The following MAP2K5 variants were observed in gnomAD, a reference collection of about 807,000 sequenced individuals.
MAP2K5 encodes mitogen-activated protein kinase kinase 5.
In MAP2K5, 49 loss-of-function variants were observed where a neutral mutation model predicts 83.1. The observed-to-expected ratio is 0.59, with a 90% confidence interval of 0.47 to 0.75. The LOEUF (loss-of-function observed/expected upper bound fraction) is 0.75. Among genes scored for constraint, MAP2K5 ranks in the 30% least tolerant of loss-of-function variants. The pLI is 0.00. For missense variants in MAP2K5, 457 were observed against 557.5 expected (o/e 0.82, Z 1.82); for synonymous variants, 202 against 191.8 (o/e 1.05, Z -0.44).
chr15:67,671,297 A>T (rs990974510), intron 13 of MAP2K5, among the ~76,000 whole-genome samples: 17 of 152,208 alleles, frequency 1.1e-4, no homozygotes, highest in African/African-American at 3.1e-4. Flanking sequence ...TGAAAATAAT[A>T]ACAATAATGA....
At chr15:67,595,181 A>T (rs935160235) in intron 7 of MAP2K5, among the ~76,000 whole-genome samples, 7 of 152,222 alleles carry the variant, frequency 4.6e-5, no homozygotes, top group Non-Finnish European at 7.3e-5. Flanking sequence ...GACAAGTTAG[A>T]AATAGCTTTC....
chr15:67,648,005 A>G (rs1052129612), intron 11 of MAP2K5, among the ~76,000 whole-genome samples: 2 of 152,158 alleles, frequency 1.3e-5, no homozygotes, highest in Non-Finnish European at 2.9e-5. Context: ...GTGCCACTGC[A>G]CTCCAGTCTA....
At chr15:67,699,454 C>T (rs1213140700) in intron 15 of MAP2K5, among the ~76,000 whole-genome samples, 2 of 152,132 alleles carry the variant, frequency 1.3e-5, no homozygotes, top group East Asian at 3.8e-4. Flanking sequence ...GAAGAGGAGG[C>T]ATCTGGAACT....
intron 8 of MAP2K5, among the ~76,000 whole-genome samples, chr15:67,626,463 G>A (rs2086325893): frequency 6.6e-6 from 1 of 152,138 alleles, no homozygotes; most frequent in Admixed American, 6.5e-5. Context: ...GGTTTCGGAG[G>A]ATGCAGTGAG....
intron 4 of MAP2K5, 125 bp from the exon 5 acceptor site, chr15:67,585,765 C>T: frequency 1.3e-6 from 1 of 773,334 alleles, no homozygotes; most frequent in Non-Finnish European, 2.2e-6. Context: ...GTCTTGGGAG[C>T]CACTTTTCAA....
Position 67,698,682 on chromosome 15 carries a change from C to G in MAP2K5, c.973-4655C>G, listed in dbSNP as rs1300225241. On this transcript the variant is annotated intron_variant, in intron 15 of 21. Transcript: ENST00000178640. The surrounding 1 kb of genome is among the most constrained non-coding windows in gnomAD (Gnocchi z 4.5). ...AAATACTTGGGATCAGAAAGTCAAT[C>G]TAAATAACCATTCTTATCTCTAGAA... Among the ~76,000 whole-genome samples, 1 of 152,170 alleles carries G rather than the reference C, an allele frequency of 6.6e-6. No individual in the cohort carries two copies. The highest frequency in any genetic ancestry group is 2.4e-5 in the African/African-American group (1 of 41,446).
chr15:67,544,235 A>G (rs1439466654), intron 1 of MAP2K5, among the ~76,000 whole-genome samples: 2 of 152,272 alleles, frequency 1.3e-5, no homozygotes, highest in Non-Finnish European at 2.9e-5. Flanking sequence ...CATTTTACTT[A>G]GAAAAAAATG....
At chr15:67,714,806 A>T (rs1853749268) in intron 16 of MAP2K5, among the ~76,000 whole-genome samples, 1 of 152,220 alleles carries the variant, frequency 6.6e-6, no homozygotes, top group Middle Eastern at 3.2e-3. Context: ...GGGAGCATTT[A>T]GGATTTCAGG....
rs1333075131 is a variant in MAP2K5 at position 67,563,926 on chromosome 15, A to AG, written c.252+577dup. On this transcript the variant is annotated intron_variant, in intron 3 of 21. Transcript: ENST00000178640. The surrounding 1 kb of genome is among the most constrained non-coding windows in gnomAD (Gnocchi z 4.5). ...AATTTTACTGAAAATCTGCGTTAAC[A>AG]GTTATCTGATACTGAAGTAAACAAG... Among the ~76,000 whole-genome samples the AG allele has an allele frequency of 2.6e-5, 4 of 152,222 alleles. No homozygotes were observed. Among genetic ancestry groups the AG allele is most frequent in the African/African-American group, 9.6e-5 (4 of 41,464 alleles).
In MAP2K5 at chr15:67,769,611, G is replaced by GTTGGAA; in HGVS notation, c.1145_1146insTGGAAT (p.Val382_Leu383insGlyIle). The GTTGGAA allele has an allele frequency of 6.2e-7, 1 of 1,613,704 alleles. No individual in the cohort carries two copies. Among genetic ancestry groups the GTTGGAA allele is most frequent in the Non-Finnish European group, 8.5e-7 (1 of 1,179,742 alleles). On this transcript the variant is annotated inframe_insertion, in exon 20 of 22. Transcript: ENST00000178640. This position sits in a 1 kb window ranked among gnomAD's most constrained non-coding sequence, Gnocchi z 5.2. ...TTTTCCTCCATCACAGGATTCGCCCGTCCTTCCAGTTGGAGAGTTCTCGGA... is the reference window on the plus strand; with the variant it reads ...TTTTCCTCCATCACAGGATTCGCCCGTTGGAATCCTTCCAGTTGGAGAGTTCTCGGA...
intron 1 of MAP2K5, among the ~76,000 whole-genome samples, chr15:67,545,480 A>T (rs2084371796): frequency 6.6e-6 from 1 of 152,196 alleles, no homozygotes; most frequent in African/African-American, 2.4e-5. Flanking sequence ...TCTGAGCCTT[A>T]GTTTCCTTAT....
intron 8 of MAP2K5, among the ~76,000 whole-genome samples, chr15:67,617,043 A>G (rs2086070645): frequency 1.3e-5 from 2 of 152,192 alleles, no homozygotes; most frequent in South Asian, 4.1e-4. Flanking sequence ...CTATCATTTC[A>G]GTGTCCCTGT....
At chr15:67,796,544 C>T (rs1207964052) in intron 21 of MAP2K5, among the ~76,000 whole-genome samples, 2 of 152,222 alleles carry the variant, frequency 1.3e-5, no homozygotes, top group Non-Finnish European at 2.9e-5. Context: ...TCACTCCTTT[C>T]TTGAGAACTC....
intron 3 of MAP2K5, among the ~76,000 whole-genome samples, chr15:67,576,749 T>A (rs2085071864): frequency 6.8e-6 from 1 of 147,560 alleles, no homozygotes; most frequent in African/African-American, 2.5e-5. Context: ...ATATAATTAT[T>A]TCTGCATTTT....
At chr15:67,612,296 C>T (rs529264418) in intron 8 of MAP2K5, among the ~76,000 whole-genome samples, 2 of 152,060 alleles carry the variant, frequency 1.3e-5, no homozygotes, top group Non-Finnish European at 2.9e-5. Flanking sequence ...GAGAATAACA[C>T]CTTCCCTTGA....
intron 19 of MAP2K5, among the ~76,000 whole-genome samples, chr15:67,756,211 GT>G (rs1316940672): frequency 1.3e-5 from 2 of 152,154 alleles, no homozygotes; most frequent in African/African-American, 4.8e-5. Context: ...TAAACCACCT[GT>G]TCCTGATTGA....
At chr15:67,586,735 A>C in intron 5 of MAP2K5, 111 bp from the exon 6 acceptor site, 2 of 960,610 alleles carry the variant, frequency 2.1e-6, no homozygotes, top group African/African-American at 3.2e-5. Flanking sequence ...TTGTCTAGCA[A>C]CAAGCTAATT....
Position 67,718,917 on chromosome 15 carries a change from A to T in MAP2K5, c.1045-8999A>T, listed in dbSNP as rs151190253. Among the ~76,000 whole-genome samples the T allele has an allele frequency of 5.1e-4, 78 of 152,264 alleles. No individual in the cohort carries two copies. In the East Asian group the frequency reaches 0.012, roughly 23 times the overall value. On this transcript the variant is annotated intron_variant, in intron 16 of 21. Transcript: ENST00000178640. ...ATTTCTTTTTGTTACAAACATTCCAATTATACTTTTAGTTATTTTTAAATG... is the reference window on the plus strand; with the variant it reads ...ATTTCTTTTTGTTACAAACATTCCATTTATACTTTTAGTTATTTTTAAATG...
chr15:67,544,348 A>G (rs776665102), intron 1 of MAP2K5, among the ~76,000 whole-genome samples: 1 of 152,272 alleles, frequency 6.6e-6, no homozygotes, highest in Non-Finnish European at 1.5e-5. Flanking sequence ...GTGATATTTT[A>G]CATTCAGATT....
Sources: gnomAD v4.1 joint callset for allele counts (sites outside exome capture counted in the v4.1 genomes callset) on GRCh38, gnomAD v4.1.1 for gene constraint, Gnocchi (gnomAD v3.1) non-coding constraint, MANE v1.5 for transcripts, NCBI Gene and HGNC (gene_info 2026-07-23, HGNC 2026-07-21) for gene names.